Variants in RBFOX1 observed in about 807,000 individuals in gnomAD.
RBFOX1 encodes the protein RNA binding fox-1 homolog 1, also known as RNA binding protein fox-1 homolog 1.
In RBFOX1, 8 loss-of-function variants were observed where a neutral mutation model predicts 57.7. The observed-to-expected ratio is 0.14, with a 90% CI of 0.08 to 0.25. The LOEUF (loss-of-function observed/expected upper bound fraction) is 0.25. RBFOX1 is among the 10% of genes least tolerant of loss of function. The pLI is 1.00. For missense variants in RBFOX1, 611 were observed against 548.5 expected (o/e 1.11, Z -1.14); for synonymous variants, 326 against 222.4 (o/e 1.47, Z -4.15).
intron 5 of RBFOX1, among the ~76,000 whole-genome samples, chr16:7,547,506 G>A (rs1365165688): frequency 1.3e-5 from 2 of 152,150 alleles, no homozygotes; most frequent in Non-Finnish European, 1.5e-5. Flanking sequence ...CTGCAAGCTA[G>A]GGTTACTTAA....
intron 3 of RBFOX1, among the ~76,000 whole-genome samples, chr16:5,766,696 C>T (rs980959606): frequency 6.6e-6 from 1 of 152,150 alleles, no homozygotes; most frequent in Non-Finnish European, 1.5e-5. Context: ...AAACATCTAC[C>T]ACCTGGCCCC....
intron 4 of RBFOX1, among the ~76,000 whole-genome samples, chr16:7,075,250 C>T (rs2058086507): frequency 6.6e-6 from 1 of 152,158 alleles, no homozygotes; most frequent in Non-Finnish European, 1.5e-5. Flanking sequence ...TGCTTCATTG[C>T]TCAGTGATGA....
intron 4 of RBFOX1, among the ~76,000 whole-genome samples, chr16:7,389,225 T>C (rs1432938150): frequency 6.6e-6 from 1 of 152,110 alleles, no homozygotes; most frequent in East Asian, 1.9e-4. Flanking sequence ...TCTCCAGGCT[T>C]AGATGATCCT....
intron 3 of RBFOX1, among the ~76,000 whole-genome samples, chr16:6,895,140 C>A (rs1232462047): frequency 3.9e-5 from 6 of 151,988 alleles, no homozygotes; most frequent in African/African-American, 1.4e-4. Context: ...TTCAGAGAAG[C>A]ACCAAATCAA....
At chr16:6,236,383 A>T (rs1457703620) in intron 1 of RBFOX1, among the ~76,000 whole-genome samples, 1 of 152,160 alleles carries the variant, frequency 6.6e-6, no homozygotes, top group Non-Finnish European at 1.5e-5. Context: ...AGAGCTTAGC[A>T]GAGTACCTGA....
intron 4 of RBFOX1, among the ~76,000 whole-genome samples, chr16:7,423,436 A>G (rs1357343897): frequency 1.3e-5 from 2 of 152,014 alleles, no homozygotes; most frequent in African/African-American, 4.8e-5. Context: ...GGGGTGCAAG[A>G]GTTACTTCTG....
intron 4 of RBFOX1, among the ~76,000 whole-genome samples, chr16:5,891,431 T>A (rs930107499): frequency 6.6e-6 from 1 of 152,244 alleles, no homozygotes; most frequent in African/African-American, 2.4e-5. Flanking sequence ...AATTTACATC[T>A]TTTAATAACT....
chr16:7,545,506 A>G (rs2084213994), intron 5 of RBFOX1, among the ~76,000 whole-genome samples: 1 of 152,106 alleles, frequency 6.6e-6, no homozygotes, highest in Non-Finnish European at 1.5e-5. Flanking sequence ...AGCCTTCACA[A>G]GCCGCTAGCT....
chr16:5,522,801 T>C (rs1480300765), intron 2 of RBFOX1, among the ~76,000 whole-genome samples: 25 of 152,252 alleles, frequency 1.6e-4, no homozygotes, highest in Admixed American at 1.2e-3. Context: ...CGTTTGTCTT[T>C]CTGTGCCTGG....
chr16:6,596,972 T>C (rs8058572), intron 2 of RBFOX1, among the ~76,000 whole-genome samples: 3,933 of 152,272 alleles, frequency 0.026, 112 homozygotes, highest in African/African-American at 0.071. Flanking sequence ...CACAGCTTTC[T>C]GAATGAATGA....
chr16:6,604,235 A>T (rs1241241349), intron 2 of RBFOX1, among the ~76,000 whole-genome samples: 1 of 152,126 alleles, frequency 6.6e-6, no homozygotes, highest in Non-Finnish European at 1.5e-5. Context: ...GAGCCATGAT[A>T]GGTGCACCAT....
chr16:6,351,669 C>T (rs948551786), intron 2 of RBFOX1, among the ~76,000 whole-genome samples: 15 of 151,784 alleles, frequency 9.9e-5, no homozygotes, highest in African/African-American at 2.7e-4. Context: ...CCACCGCTCC[C>T]GGCCTAAGGG....
chr16:7,428,509 A>G, intron 4 of RBFOX1, among the ~76,000 whole-genome samples: 1 of 139,060 alleles, frequency 7.2e-6, no homozygotes, highest in Admixed American at 7.2e-5. Context: ...TATTATTATT[A>G]TTATTATTAT....
At chr16:7,149,999 C>G (rs992365864) in intron 4 of RBFOX1, among the ~76,000 whole-genome samples, 1 of 152,120 alleles carries the variant, frequency 6.6e-6, no homozygotes, top group Non-Finnish European at 1.5e-5. Context: ...TGCTAGAACC[C>G]TTCTCCACCT....
At chr16:6,385,843 C>T (rs779040333) in intron 2 of RBFOX1, among the ~76,000 whole-genome samples, 6 of 152,170 alleles carry the variant, frequency 3.9e-5, no homozygotes, top group Non-Finnish European at 7.3e-5. Context: ...AAATACTAGT[C>T]TGGGGGAAGA....
chr16:7,695,802 A>G (rs2058182), intron 14 of RBFOX1, among the ~76,000 whole-genome samples: 149,255 of 152,220 alleles, frequency 0.98, 73,250 homozygotes, highest in East Asian at 1. Context: ...TTGACAAAAG[A>G]CAAGTTCTCT....
chr16:6,450,086 C>G (rs1279633011), intron 2 of RBFOX1, among the ~76,000 whole-genome samples: 2 of 152,120 alleles, frequency 1.3e-5, no homozygotes, highest in Non-Finnish European at 2.9e-5. Context: ...TTTTGTGCCT[C>G]TTTGAGGAGG....
intron 3 of RBFOX1, among the ~76,000 whole-genome samples, chr16:6,792,547 A>G (rs1237213562): frequency 6.6e-6 from 1 of 152,180 alleles, no homozygotes; most frequent in Non-Finnish European, 1.5e-5. Context: ...AAAAATTGAG[A>G]TGTCCCCATG....
intron 2 of RBFOX1, among the ~76,000 whole-genome samples, chr16:6,543,312 CTT>C (rs1183727611): frequency 6.6e-6 from 1 of 152,100 alleles, no homozygotes; most frequent in Non-Finnish European, 1.5e-5. Flanking sequence ...CCTTGAGACT[CTT>C]TACTGCTTGT....
Sources: allele counts gnomAD v4.1 joint callset (sites outside exome capture counted in the v4.1 genomes callset), GRCh38; gene constraint gnomAD v4.1.1; transcripts MANE v1.5; gene names NCBI Gene and HGNC (gene_info 2026-07-23, HGNC 2026-07-21).